ASIC2: variants seen among roughly 807,000 people sequenced by gnomAD.
ASIC2 encodes the protein acid sensing ion channel subunit 2.
ASIC2 carries 25 observed loss-of-function variants against 57.3 expected under a neutral mutation model. The observed-to-expected ratio is 0.44, with a 90% confidence interval of 0.32 to 0.61. ASIC2 has a LOEUF of 0.61. Among genes scored for constraint, ASIC2 ranks in the 20% least tolerant of loss-of-function variants. The pLI is 0.06. For missense variants in ASIC2, 641 were observed against 738.1 expected (o/e 0.87, Z 1.52); for synonymous variants, 319 against 307.5 (o/e 1.04, Z -0.39).
At chr17:33,752,360 A>T (rs923387513) in intron 1 of ASIC2, among the ~76,000 whole-genome samples, 1 of 148,680 alleles carries the variant, frequency 6.7e-6, no homozygotes, top group African/African-American at 2.5e-5. Flanking sequence ...CATACTCTAC[A>T]CTCTGAACGC....
intron 1 of ASIC2, among the ~76,000 whole-genome samples, chr17:33,160,767 G>T (rs1905140115): frequency 6.6e-6 from 1 of 152,226 alleles, no homozygotes; most frequent in Admixed American, 6.5e-5. Context: ...GTTCCAAACA[G>T]ACTGCAAGCT....
intron 1 of ASIC2, among the ~76,000 whole-genome samples, chr17:33,453,177 TTG>T (rs2141991321): frequency 6.6e-6 from 1 of 152,124 alleles, no homozygotes; most frequent in Non-Finnish European, 1.5e-5. Flanking sequence ...GAGATTATAT[TTG>T]TGTATTAGAG....
In ASIC2 at chr17:33,861,900, GGTGGGAGACC is replaced by G. The variant is rs370357926; in HGVS notation, c.555+294068_555+294077del. Among the ~76,000 whole-genome samples, 22 of 152,326 alleles carry G rather than the reference GGTGGGAGACC, an allele frequency of 1.4e-4. No homozygotes were observed. The East Asian group carries it at 3.9e-3, about 27-fold the overall frequency. ...GCAATGGCAAAAGCAACTGGGAGCA[GGTGGGAGACC>G]GTGGCAAATACAAAGTGGTATTTAA... On this transcript the variant is annotated intron_variant, in intron 1 of 9. Transcript: ENST00000359872.
rs1292678213 is a variant in ASIC2, at chr17:33,310,824, T to C, written c.556-198757A>G. On this transcript the variant is annotated intron_variant, in intron 1 of 9. Transcript: ENST00000359872. ...TTTCTTATCCAAATATATAGATAGATATAGGTAAGAGATAGAGATACATAA... is the reference window on the plus strand; with the variant it reads ...TTTCTTATCCAAATATATAGATAGACATAGGTAAGAGATAGAGATACATAA... Among the ~76,000 whole-genome samples the C allele has an allele frequency of 1.3e-5, 2 of 152,202 alleles. 1 individual carries two copies.
intron 1 of ASIC2, among the ~76,000 whole-genome samples, chr17:33,307,655 A>G (rs1906241127): frequency 6.6e-6 from 1 of 152,072 alleles, no homozygotes; most frequent in African/African-American, 2.4e-5. Context: ...CCTTCTCTAA[A>G]ACTCTTCCTT....
chr17:33,750,882 A>G (rs1243961498), intron 1 of ASIC2, among the ~76,000 whole-genome samples: 1 of 152,152 alleles, frequency 6.6e-6, no homozygotes, highest in East Asian at 1.9e-4. Context: ...AAACACATCC[A>G]TCCAGTTTCC....
intron 1 of ASIC2, among the ~76,000 whole-genome samples, chr17:33,434,131 A>G (rs1387891192): frequency 1.3e-5 from 2 of 151,792 alleles, no homozygotes; most frequent in African/African-American, 2.4e-5. Context: ...TAAATAAATA[A>G]ATAATAAATA....
chr17:33,603,957 G>C (rs1905167768), intron 1 of ASIC2, among the ~76,000 whole-genome samples: 1 of 152,208 alleles, frequency 6.6e-6, no homozygotes, highest in Non-Finnish European at 1.5e-5. Flanking sequence ...TCACGTGGGA[G>C]GTTTTCAGGA....
intron 1 of ASIC2, among the ~76,000 whole-genome samples, chr17:33,346,696 G>A (rs1457896121): frequency 6.6e-6 from 1 of 152,192 alleles, no homozygotes; most frequent in East Asian, 1.9e-4. Context: ...TAAAGCTGAA[G>A]ATATAGATCT....
At chr17:34,089,856 T>C (rs1195783845) in intron 1 of ASIC2, among the ~76,000 whole-genome samples, 2 of 152,202 alleles carry the variant, frequency 1.3e-5, no homozygotes, top group African/African-American at 4.8e-5. Context: ...TGCCACTGTT[T>C]CAGACAGCCC....
intron 1 of ASIC2, among the ~76,000 whole-genome samples, chr17:33,686,144 G>A (rs73280952): frequency 0.023 from 3,562 of 152,284 alleles, 127 homozygotes; most frequent in African/African-American, 0.082. Context: ...CTTAACAGCT[G>A]CAGCAGGGAA....
chr17:33,846,660 A>G (rs955535463), intron 1 of ASIC2, among the ~76,000 whole-genome samples: 1 of 152,060 alleles, frequency 6.6e-6, no homozygotes, highest in Non-Finnish European at 1.5e-5. Flanking sequence ...ACCCACCCAC[A>G]CACAATAACA....
chr17:33,440,799 A>G (rs1050246806), intron 1 of ASIC2, among the ~76,000 whole-genome samples: 1 of 152,216 alleles, frequency 6.6e-6, no homozygotes, highest in South Asian at 2.1e-4. Flanking sequence ...TACTCATTTA[A>G]AAAAGTAGGT....
intron 1 of ASIC2, among the ~76,000 whole-genome samples, chr17:33,198,178 C>T (rs1381072227): frequency 6.6e-6 from 1 of 152,116 alleles, no homozygotes; most frequent in Non-Finnish European, 1.5e-5. Context: ...GGTGAAACCC[C>T]ATCTCTACAA....
At chr17:33,717,732 T>C (rs1909265951) in intron 1 of ASIC2, among the ~76,000 whole-genome samples, 1 of 152,128 alleles carries the variant, frequency 6.6e-6, no homozygotes, top group Admixed American at 6.5e-5. Flanking sequence ...CTCTCTGAGC[T>C]GAGAGGGCAT....
intron 1 of ASIC2, among the ~76,000 whole-genome samples, chr17:33,674,002 C>A (rs951732848): frequency 6.6e-6 from 1 of 151,504 alleles, no homozygotes; most frequent in African/African-American, 2.4e-5. Context: ...CAAGCGATTT[C>A]CCTGCCTCAG....
chr17:33,917,108 C>G (rs1025789125), intron 1 of ASIC2, among the ~76,000 whole-genome samples: 8 of 152,198 alleles, frequency 5.3e-5, no homozygotes, highest in Admixed American at 5.2e-4. Context: ...CTCCTCCTGC[C>G]TTTCTAATCA....
At chr17:33,528,069 T>C (rs536668347) in intron 1 of ASIC2, among the ~76,000 whole-genome samples, 1 of 151,732 alleles carries the variant, frequency 6.6e-6, no homozygotes, top group African/African-American at 2.4e-5. Context: ...GCATCCAAGG[T>C]GAGAAGGTGT....
intron 1 of ASIC2, among the ~76,000 whole-genome samples, chr17:33,905,140 GCTTT>G: frequency 7.9e-6 from 1 of 127,320 alleles, no homozygotes; most frequent in African/African-American, 3.1e-5. Context: ...CTAGTTTAAG[GCTTT>G]TTTTTTTTTT....
Sources: gnomAD v4.1 joint callset for allele counts (sites outside exome capture counted in the v4.1 genomes callset) on GRCh38, gnomAD v4.1.1 for gene constraint, MANE v1.5 for transcripts, NCBI Gene and HGNC (gene_info 2026-07-23, HGNC 2026-07-21) for gene names.